PELI2: variants seen among roughly 807,000 people sequenced by gnomAD.
PELI2 encodes the protein E3 ubiquitin-protein ligase pellino homolog 2.
A neutral mutation model predicts 42.3 loss-of-function variants in PELI2; 23 were observed. The ratio of observed to expected loss-of-function variants is 0.54; its 90% CI spans 0.39 to 0.77. The LOEUF is 0.77. Among genes scored for constraint, PELI2 ranks in the 30% least tolerant of loss-of-function variants. The pLI, the probability that PELI2 is intolerant of heterozygous loss-of-function variation, is 0.00. For synonymous variants in PELI2, 245 were observed against 212.2 expected, an observed-to-expected ratio of 1.15 and a Z score of -1.34; for missense variants, 463 against 553.2, an observed-to-expected ratio of 0.84 and a Z score of 1.64.
rs1403699171 is a variant in PELI2, at chr14:56,178,428, C to T, written c.171C>T (p.Ser57=). The part of the protein sequence containing the change: ...KRPKANGVKP[S]TVHVISTPQA... ...CCAAGGCAAATGGTGTCAAACCCAG[C>T]ACCGTCCATGTGATATCCACGCCCC... The change falls in exon 2 of 6, where the codon AGC becomes AGT. Residue 57 remains serine (S), a synonymous_variant. Transcript: ENST00000267460. 6.2e-7 allele frequency: 1 copy of T among 1,614,164 alleles called. No individual in the cohort carries two copies. Among genetic ancestry groups the T allele is most frequent in the Non-Finnish European group, 8.5e-7 (1 of 1,179,996 alleles).
intron 2 of PELI2, among the ~76,000 whole-genome samples, chr14:56,195,307 G>C (rs984567802): frequency 1.3e-5 from 2 of 152,154 alleles, no homozygotes; most frequent in Non-Finnish European, 2.9e-5. Flanking sequence ...CTTTATGTCT[G>C]CTTCTCACCA....
At chr14:56,193,211 A>G (rs1318919555) in intron 2 of PELI2, among the ~76,000 whole-genome samples, 1 of 152,198 alleles carries the variant, frequency 6.6e-6, no homozygotes, top group Non-Finnish European at 1.5e-5. Flanking sequence ...CCAGAGTTGG[A>G]GGCACATTTC....
At chr14:56,214,412 G>A (rs974612602) in intron 2 of PELI2, among the ~76,000 whole-genome samples, 3 of 152,172 alleles carry the variant, frequency 2.0e-5, no homozygotes, top group Non-Finnish European at 2.9e-5. Flanking sequence ...TTGGGTTTAG[G>A]AAGTATTGTT....
intron 3 of PELI2, among the ~76,000 whole-genome samples, chr14:56,281,484 T>A (rs1293777065): frequency 1.3e-5 from 2 of 152,160 alleles, no homozygotes; most frequent in Non-Finnish European, 2.9e-5. Flanking sequence ...TTCCATTTTC[T>A]GTAACATTGT....
intron 2 of PELI2, among the ~76,000 whole-genome samples, chr14:56,256,508 G>A (rs1271217290): frequency 1.3e-5 from 2 of 152,010 alleles, no homozygotes; most frequent in African/African-American, 4.8e-5. Context: ...ATAAATGTAA[G>A]AAGCCAGGTG....
chr14:56,257,198 A>G lies in PELI2; in HGVS notation c.208-22478A>G, dbSNP rs566670663. ...GAAGAGTTAAGTTAATTGTGTATGT[A>G]TGTGCTAGGAAATGTTCTAGGTATT... On this transcript the variant is annotated intron_variant, in intron 2 of 5. Coordinates refer to ENST00000267460, the MANE Select transcript of PELI2 (RefSeq NM_021255.3). Among the ~76,000 whole-genome samples, 18 of 152,304 alleles carry G rather than the reference A, an allele frequency of 1.2e-4. No individual in the cohort carries two copies. The East Asian group carries it at 3.1e-3, about 26-fold the overall frequency.
At chr14:56,204,045 A>G (rs1021931429) in intron 2 of PELI2, among the ~76,000 whole-genome samples, 1 of 152,216 alleles carries the variant, frequency 6.6e-6, no homozygotes, top group African/African-American at 2.4e-5. Flanking sequence ...TCTGAGCAGT[A>G]AGCAGGGCTG....
At chr14:56,147,381 CAACA>C (rs1884167614) in intron 1 of PELI2, among the ~76,000 whole-genome samples, 1 of 152,078 alleles carries the variant, frequency 6.6e-6, no homozygotes, top group South Asian at 2.1e-4. Context: ...GTATTACTGG[CAACA>C]AGCCATAGTG....
intron 1 of PELI2, chr14:56,120,009 A>C (rs1595530287): frequency 5.4e-6 from 1 of 186,820 alleles, no homozygotes. Flanking sequence ...GCTTCCAGAC[A>C]CCGCACAACT....
chr14:56,294,444 T>C (rs932800416), intron 5 of PELI2, among the ~76,000 whole-genome samples: 2 of 152,200 alleles, frequency 1.3e-5, no homozygotes, highest in African/African-American at 4.8e-5. Context: ...GTCGAGTGAC[T>C]GCATTGGGAG....
At chr14:56,172,312 G>A (rs1210434032) in intron 1 of PELI2, among the ~76,000 whole-genome samples, 1 of 152,208 alleles carries the variant, frequency 6.6e-6, no homozygotes, top group Non-Finnish European at 1.5e-5. Flanking sequence ...GGACCGCTGA[G>A]CAGAGTGCCT....
chr14:56,128,366 A>G (rs1883357309), intron 1 of PELI2, among the ~76,000 whole-genome samples: 2 of 152,202 alleles, frequency 1.3e-5, no homozygotes, highest in Admixed American at 1.3e-4. Flanking sequence ...GGTGGTTTAC[A>G]TTATCCTTTC....
At chr14:56,240,033 C>T (rs1887919552) in intron 2 of PELI2, among the ~76,000 whole-genome samples, 1 of 152,176 alleles carries the variant, frequency 6.6e-6, no homozygotes, top group Admixed American at 6.5e-5. Flanking sequence ...AAGTCACTGA[C>T]CCCTCTGGGA....
At chr14:56,128,490 G>C (rs1314314072) in intron 1 of PELI2, among the ~76,000 whole-genome samples, 1 of 152,198 alleles carries the variant, frequency 6.6e-6, no homozygotes, top group Admixed American at 6.5e-5. Context: ...TGGCTCTCTT[G>C]CTTGATTATT....
chr14:56,278,364 C>G (rs1330798286), intron 2 of PELI2, among the ~76,000 whole-genome samples: 2 of 152,092 alleles, frequency 1.3e-5, no homozygotes, highest in African/African-American at 4.8e-5. Context: ...TTAATTAACA[C>G]AAAGATTACA....
At chr14:56,243,230 C>T (rs1443893215) in intron 2 of PELI2, among the ~76,000 whole-genome samples, 1 of 152,114 alleles carries the variant, frequency 6.6e-6, no homozygotes, top group African/African-American at 2.4e-5. Context: ...TGTGTGATTC[C>T]CCCTTGATAT....
At chr14:56,263,002 A>C (rs896677622) in intron 2 of PELI2, among the ~76,000 whole-genome samples, 2 of 152,176 alleles carry the variant, frequency 1.3e-5, no homozygotes, top group South Asian at 4.2e-4. Context: ...TCTTTTGCTC[A>C]AGGATGTGCA....
intron 1 of PELI2, among the ~76,000 whole-genome samples, chr14:56,176,197 G>A (rs1885376454): frequency 6.6e-6 from 1 of 152,212 alleles, no homozygotes; most frequent in Admixed American, 6.5e-5. Context: ...GCCAGAGAAG[G>A]AGGTATAGTT....
At chr14:56,172,017 A>C (rs1885189576) in intron 1 of PELI2, among the ~76,000 whole-genome samples, 4 of 152,126 alleles carry the variant, frequency 2.6e-5, no homozygotes, top group Admixed American at 1.3e-4. Flanking sequence ...TCCATCTCAA[A>C]AAAAAAGAAA....
Sources: gnomAD v4.1 joint callset for allele counts (sites outside exome capture counted in the v4.1 genomes callset) on GRCh38, gnomAD v4.1.1 for gene constraint, MANE v1.5 for transcripts, NCBI Gene and HGNC (gene_info 2026-07-23, HGNC 2026-07-21) for gene names.